Variants in LAMA1 observed in about 807,000 individuals in gnomAD.
The protein encoded by LAMA1 is laminin subunit alpha-1.
A neutral mutation model predicts 348.7 loss-of-function variants in LAMA1; 219 were observed. That is an observed-to-expected ratio of 0.63 (90% CI 0.56 to 0.70). The LOEUF is 0.70. LAMA1 is among the 30% of genes least tolerant of loss of function. The pLI is 0.00. For missense variants in LAMA1, 3,744 were observed against 3,888.0 expected (o/e 0.96, Z 0.99); for synonymous variants, 1,487 against 1,491.0 (o/e 1.00, Z 0.06).
At position 6,978,385 on chromosome 18, in the gene LAMA1, T is replaced by C; in HGVS notation, c.6008-7A>G. Reference sequence around the variant, plus strand: ...GCTCCCTTGTCTCTTATACCTAAAATAAATGTATATAAAAGCATGCACTTC... The same window carrying C: ...GCTCCCTTGTCTCTTATACCTAAAACAAATGTATATAAAAGCATGCACTTC... On this transcript the variant is annotated splice_region_variant and splice_polypyrimidine_tract_variant and intron_variant, in intron 42 of 62. Coordinates refer to ENST00000389658, the MANE Select transcript of LAMA1 (RefSeq NM_005559.4). 1 of 1,613,028 alleles carries C rather than the reference T, an allele frequency of 6.2e-7. No homozygotes were observed. Among genetic ancestry groups the C allele is most frequent in the Non-Finnish European group, 8.5e-7 (1 of 1,179,444 alleles).
rs1031662050 is a variant in LAMA1, at chr18:6,950,719, GA to G, written c.8397+62del. 4.5e-5 allele frequency: 70 copies of G among 1,571,056 alleles called. No individual in the cohort carries two copies. In the African/African-American group the frequency reaches 8.1e-4, roughly 18 times the overall value. ...ATAATGTGCCTTTGAGAAATGGAGT[GA>G]ACCCGAGTGATAGATGGAACAGAAC... On this transcript the variant is annotated intron_variant, in intron 58 of 62. Coordinates refer to ENST00000389658, the MANE Select transcript of LAMA1 (RefSeq NM_005559.4).
At position 7,117,661 on chromosome 18, in the gene LAMA1, T is replaced by G; in HGVS notation, c.60A>C (p.Arg20Ser). 6.3e-7 allele frequency: 1 copy of G among 1,595,798 alleles called. No homozygotes were observed. Among genetic ancestry groups the G allele is most frequent in the Non-Finnish European group, 8.5e-7 (1 of 1,177,992 alleles). The part of the protein sequence containing the change: ...LLCVAAQCRQ[R>S]GLFPAILNLA... Reference sequence around the variant, plus strand: ...CCCTAGGACCCGGGCCGGGCTCACCTCTCTGCCGGCACTGCGCGGCGACAC... The same window carrying G: ...CCCTAGGACCCGGGCCGGGCTCACCGCTCTGCCGGCACTGCGCGGCGACAC... Residue 20 changes from arginine (R) to serine (S), a missense_variant and splice_region_variant, in exon 1 of 63, where the codon AGA becomes AGC. By Grantham distance (110) the Arg-to-Ser change is moderately radical. Coordinates refer to ENST00000389658, the MANE Select transcript of LAMA1 (RefSeq NM_005559.4).
chr18:6,986,392 A>C, intron 36 of LAMA1, 45 bp from the exon 37 acceptor site: 2 of 1,575,730 alleles, frequency 1.3e-6, no homozygotes, highest in Non-Finnish European at 1.7e-6. Context: ...TGAACAACAA[A>C]GCTCCTATCT....
At chr18:6,992,116 G>A (rs1043116106) in intron 36 of LAMA1, among the ~76,000 whole-genome samples, 3 of 152,202 alleles carry the variant, frequency 2.0e-5, no homozygotes, top group South Asian at 2.1e-4. Context: ...ACTTCACATC[G>A]TGGGTTTCAA....
intron 1 of LAMA1, among the ~76,000 whole-genome samples, chr18:7,106,903 T>C (rs1362289687): frequency 1.3e-5 from 2 of 151,986 alleles, no homozygotes; most frequent in East Asian, 3.9e-4. Context: ...CCACCAACAG[T>C]GGCATATGAT....
At chr18:6,957,194 T>G in intron 55 of LAMA1, 1 of 281,028 alleles carries the variant, frequency 3.6e-6, no homozygotes, top group Non-Finnish European at 7.0e-6. Context: ...GCTTGTCACA[T>G]GCACTTTCAC....
intron 42 of LAMA1, among the ~76,000 whole-genome samples, chr18:6,979,705 C>T (rs1466477110): frequency 2.6e-5 from 4 of 152,082 alleles, no homozygotes; most frequent in African/African-American, 4.8e-5. Context: ...CGAGACCATC[C>T]TGGCTAACAC....
Position 7,007,276 on chromosome 18 carries a change from C to T in LAMA1, c.4123G>A (p.Asp1375Asn). 2.5e-6 allele frequency: 4 copies of T among 1,613,288 alleles called. No individual in the cohort carries two copies. Among genetic ancestry groups the T allele is most frequent in the Non-Finnish European group, 2.5e-6 (3 of 1,179,522 alleles). Residue 1375 changes from aspartate (D) to asparagine (N), a missense_variant and splice_region_variant, in exon 29 of 63, where the codon GAC becomes AAC. Asp to Asn is a conservative substitution (Grantham distance 23, BLOSUM62 1). This residue lies in a region of LAMA1 where 1,983 missense variants were observed against 1,934.3 expected (regional missense o/e 1.03). Coordinates refer to ENST00000389658, the MANE Select transcript of LAMA1 (RefSeq NM_005559.4). ...CCTCTGTGGTACCCAGGGGCGCAGT[C>T]CTGAGGGGGTGCAAAAGGGAGGACA... ...PPGTVGFSCQ[D>N]CAPGYHRGKL...
intron 1 of LAMA1, among the ~76,000 whole-genome samples, chr18:7,093,138 G>T (rs577883254): frequency 1.3e-5 from 2 of 152,142 alleles, no homozygotes; most frequent in Non-Finnish European, 2.9e-5. Context: ...GTCAAATGGC[G>T]GGGCACAGTG....
At chr18:7,006,596 C>T (rs545929113) in intron 29 of LAMA1, among the ~76,000 whole-genome samples, 2 of 152,270 alleles carry the variant, frequency 1.3e-5, no homozygotes, top group Admixed American at 6.5e-5. Flanking sequence ...AAATGCATCC[C>T]TAGCTGATTT....
chr18:7,115,487 C>G (rs1188262399), intron 1 of LAMA1, among the ~76,000 whole-genome samples: 1 of 151,908 alleles, frequency 6.6e-6, no homozygotes, highest in Non-Finnish European at 1.5e-5. Flanking sequence ...TGTAAGGTAA[C>G]CCAGAGAGAC....
rs73938524 is a variant in LAMA1 at position 6,983,045 on chromosome 18, G to A, written c.5796+54C>T. 585 of 1,612,754 alleles carry A rather than the reference G, an allele frequency of 3.6e-4. 2 individuals are homozygous for A. The highest frequency in any genetic ancestry group is 2.9e-3 in the African/African-American group (220 of 74,978). On this transcript the variant is annotated intron_variant, in intron 40 of 62. Coordinates refer to ENST00000389658, the MANE Select transcript of LAMA1 (RefSeq NM_005559.4). ...GGCCACTGAATCTCTGCTCAAACCCGGTACAGAAAAATCTCCCACAGAGCC... is the reference window on the plus strand; with the variant it reads ...GGCCACTGAATCTCTGCTCAAACCCAGTACAGAAAAATCTCCCACAGAGCC...
chr18:6,941,978 T>C lies in LAMA1; in HGVS notation c.*101A>G. On this transcript the variant is annotated 3_prime_UTR_variant, in exon 63 of 63. Transcript: ENST00000389658. Reference sequence around the variant, plus strand: ...CATCTCTCCCCAGAAACACTTAACCTGAGTTGGAAATGAAATATGAACTGA... The same window carrying C: ...CATCTCTCCCCAGAAACACTTAACCCGAGTTGGAAATGAAATATGAACTGA... 6.8e-7 allele frequency: 1 copy of C among 1,469,000 alleles called. No individual in the cohort carries two copies. Among genetic ancestry groups the C allele is most frequent in the Admixed American group, 1.7e-5 (1 of 59,776 alleles). 91.0% of individuals were successfully genotyped at this position (1,469,000 alleles called of 1,614,324 possible). A position where few individuals can be genotyped will look rare whatever the true frequency, so the allele number is the denominator to read the frequency against.
At chr18:6,991,749 A>G (rs1260522040) in intron 36 of LAMA1, among the ~76,000 whole-genome samples, 1 of 152,200 alleles carries the variant, frequency 6.6e-6, no homozygotes, top group Non-Finnish European at 1.5e-5. Flanking sequence ...AAAAGAAGAG[A>G]TATATACAGT....
intron 3 of LAMA1, 126 bp downstream of exon 3, chr18:7,079,849 C>A (rs1417486999): frequency 2.7e-6 from 2 of 748,282 alleles, no homozygotes; most frequent in East Asian, 5.3e-5. Context: ...CTTGCCTTCA[C>A]CTGGTGGAAA....
intron 26 of LAMA1, among the ~76,000 whole-genome samples, 186 bp from the exon 27 acceptor site, chr18:7,009,552 C>A (rs1485055948): frequency 2.0e-5 from 3 of 152,102 alleles, no homozygotes; most frequent in Non-Finnish European, 4.4e-5. Context: ...GTTCCATTAT[C>A]AATAGATATG....
At chr18:7,037,903 T>A in intron 11 of LAMA1, 152 bp from the exon 12 acceptor site, 1 of 745,274 alleles carries the variant, frequency 1.3e-6, no homozygotes, top group Admixed American at 2.1e-5. Context: ...CTGAACCTCA[T>A]GACCCTTGAC....
In LAMA1 at chr18:6,990,418, T is replaced by C. The variant is rs149863117; in HGVS notation, c.5168+2143A>G. Among the ~76,000 whole-genome samples, 108 of 152,158 alleles carry C rather than the reference T, an allele frequency of 7.1e-4. 1 individual carries two copies. Among genetic ancestry groups the C allele is most frequent in the African/African-American group, 2.4e-3 (100 of 41,530 alleles). On this transcript the variant is annotated intron_variant, in intron 36 of 62. Transcript: ENST00000389658. ...GGCCTGGGAATCTCCATCCTTCACA[T>C]GCTCCCCACCAACTCAGATGTGTGG...
At chr18:7,028,119 G>A (rs1371589536) in intron 16 of LAMA1, among the ~76,000 whole-genome samples, 3 of 152,134 alleles carry the variant, frequency 2.0e-5, no homozygotes, top group Non-Finnish European at 4.4e-5. Flanking sequence ...CATTGTAGGA[G>A]AAAAGACTAG....
Sources: allele counts gnomAD v4.1 joint callset (sites outside exome capture counted in the v4.1 genomes callset), GRCh38; gene constraint gnomAD v4.1.1; regional missense constraint gnomAD v4.1.1; transcripts MANE v1.5; gene names NCBI Gene and HGNC (gene_info 2026-07-23, HGNC 2026-07-21).